MEGF11: variants seen among roughly 807,000 people sequenced by gnomAD.
MEGF11 encodes multiple EGF like domains 11.
In MEGF11, 126 loss-of-function variants were observed where a neutral mutation model predicts 146.6. The observed-to-expected ratio is 0.86, with a 90% confidence interval of 0.74 to 1.00. MEGF11 has a LOEUF of 1.00. Ranked by LOEUF, MEGF11 falls within the 50% of genes least tolerant of loss-of-function variation. The pLI is 0.00. For missense variants in MEGF11, 1,509 were observed against 1,521.2 expected (o/e 0.99, Z 0.13); for synonymous variants, 532 against 583.4 (o/e 0.91, Z 1.27).
intron 5 of MEGF11, among the ~76,000 whole-genome samples, chr15:66,089,496 A>C (rs1304729377): frequency 6.6e-6 from 1 of 152,204 alleles, no homozygotes; most frequent in Non-Finnish European, 1.5e-5. Context: ...CCCAAAACCA[A>C]AATGCCATTC....
At chr15:66,023,048 G>A (rs1017519825) in intron 5 of MEGF11, among the ~76,000 whole-genome samples, 1 of 150,464 alleles carries the variant, frequency 6.6e-6, no homozygotes, top group African/African-American at 2.5e-5. Context: ...ACAGGCTGAG[G>A]GAGAATTGCT....
At chr15:65,993,883 C>T (rs558275897) in intron 5 of MEGF11, among the ~76,000 whole-genome samples, 7 of 152,328 alleles carry the variant, frequency 4.6e-5, no homozygotes, top group East Asian at 1.9e-4. Context: ...ATCTCTCTCA[C>T]GGGCTGTGGG....
intron 1 of MEGF11, among the ~76,000 whole-genome samples, chr15:66,141,701 G>T (rs527693127): frequency 1.0e-3 from 154 of 152,270 alleles, no homozygotes; most frequent in African/African-American, 3.6e-3. Context: ...GAAGGAACTA[G>T]GTGGCCCCGA....
intron 1 of MEGF11, among the ~76,000 whole-genome samples, chr15:66,220,270 G>T (rs534760350): frequency 6.7e-6 from 1 of 150,254 alleles, no homozygotes; most frequent in South Asian, 2.1e-4. Flanking sequence ...GTGGTACTTT[G>T]TTACGGCAGC....
intron 1 of MEGF11, among the ~76,000 whole-genome samples, chr15:66,187,494 C>T (rs985357455): frequency 7.9e-5 from 12 of 152,302 alleles, no homozygotes; most frequent in Middle Eastern, 3.4e-3. Context: ...GCTGGAGTGT[C>T]GCAACCAGGA....
chr15:66,071,733 GA>G (rs932196560), intron 5 of MEGF11, among the ~76,000 whole-genome samples: 4 of 152,002 alleles, frequency 2.6e-5, no homozygotes, highest in East Asian at 3.9e-4. Flanking sequence ...CAACAATAAG[GA>G]AAAAAATCCA....
intron 10 of MEGF11, among the ~76,000 whole-genome samples, chr15:65,955,675 C>T (rs569985700): frequency 3.1e-5 from 4 of 129,926 alleles, no homozygotes; most frequent in South Asian, 2.7e-4. Context: ...ACCCAGGAGG[C>T]GGAGGTTGCA....
Position 65,929,732 on chromosome 15 carries a change from C to T in MEGF11, c.1560G>A (p.Glu520=). 6.4e-7 allele frequency: 1 copy of T among 1,551,720 alleles called. No homozygotes were observed. The highest frequency in any genetic ancestry group is 1.4e-5 in the African/African-American group (1 of 73,182). ...CTPGWLGDTC[E]LPCPDGTFGL... ...CCCTGGCACTCACCGGGCAAGGCAGCTCACAGGTGTCTCCCAGCCAGCCAG... is the reference window on the plus strand; with the variant it reads ...CCCTGGCACTCACCGGGCAAGGCAGTTCACAGGTGTCTCCCAGCCAGCCAG... Residue 520 remains glutamate, a synonymous_variant, in exon 12 of 26, where the codon GAG becomes GAA. Transcript: ENST00000395614.
chr15:65,995,548 T>C (rs1230140650), intron 5 of MEGF11, among the ~76,000 whole-genome samples: 2 of 152,188 alleles, frequency 1.3e-5, no homozygotes, highest in Admixed American at 6.5e-5. Flanking sequence ...CTAGACTGCA[T>C]GTCTAGAGAG....
chr15:65,983,879 A>G (rs981281466), intron 5 of MEGF11, among the ~76,000 whole-genome samples: 1 of 152,326 alleles, frequency 6.6e-6, no homozygotes, highest in Non-Finnish European at 1.5e-5. Context: ...GTACAAGGGT[A>G]CAAGGTTCCA....
At chr15:66,162,272 A>G (rs1396136879) in intron 1 of MEGF11, among the ~76,000 whole-genome samples, 1 of 152,216 alleles carries the variant, frequency 6.6e-6, no homozygotes, top group Non-Finnish European at 1.5e-5. Flanking sequence ...TGGTCGTGAA[A>G]CAACGTGAAT....
At chr15:66,043,202 A>C (rs1257939716) in intron 5 of MEGF11, among the ~76,000 whole-genome samples, 2 of 152,256 alleles carry the variant, frequency 1.3e-5, no homozygotes, top group African/African-American at 4.8e-5. Context: ...AGGTGCAAGC[A>C]CATAGTAGGT....
In MEGF11 at chr15:65,929,826, C is replaced by A. The variant is rs1325489065; in HGVS notation, c.1466G>T (p.Cys489Phe). 6.3e-7 allele frequency: 1 copy of A among 1,589,508 alleles called. No homozygotes were observed. The highest frequency in any genetic ancestry group is 8.6e-7 in the Non-Finnish European group (1 of 1,168,154). ...PCPSGTWGLN[C>F]NESCTCANGA... ...ATTGGCACAGGTGCAGCTCTCGTTG[C>A]AGTTCAGGCCCCACGTCCCACTGGG... The change falls in exon 12 of 26, where the codon TGC becomes TTC. Residue 489 changes from cysteine to phenylalanine, a missense_variant. Physicochemically the swap from Cys to Phe is radical, Grantham distance 205. Transcript: ENST00000395614.
chr15:66,097,283 G>C (rs987062077), intron 4 of MEGF11, among the ~76,000 whole-genome samples: 1 of 152,140 alleles, frequency 6.6e-6, no homozygotes, highest in East Asian at 1.9e-4. Flanking sequence ...GGGGTGCTGC[G>C]GGGAGAGTCT....
rs2078346454 is a variant in MEGF11, at chr15:65,895,660, C to G, written c.*2274G>C. On this transcript the variant is annotated 3_prime_UTR_variant, in exon 26 of 26. Transcript: ENST00000395614. ...CGATAGGGGAAGGCAGCTATTGTCA[C>G]CATAATCACACCCTCTGCCTTTCCC... is the stretch of plus-strand genomic sequence containing the variant. The G allele has an allele frequency of 6.5e-6, 1 of 152,744 alleles. No homozygotes were observed. The highest frequency in any genetic ancestry group is 6.5e-5 in the Admixed American group (1 of 15,308). The allele number at this position is 152,744 out of a possible 1,614,324, so 9.5% of individuals were successfully genotyped here. A position where few individuals can be genotyped will look rare whatever the true frequency, so the allele number is the denominator to read the frequency against.
intron 4 of MEGF11, among the ~76,000 whole-genome samples, chr15:66,105,133 C>T (rs554463904): frequency 1.6e-4 from 25 of 152,010 alleles, no homozygotes; most frequent in South Asian, 8.3e-4. Flanking sequence ...AATTAAAAAA[C>T]GGGGAGCAAA....
chr15:65,931,461 C>T (rs2079572291), intron 10 of MEGF11, among the ~76,000 whole-genome samples: 1 of 152,236 alleles, frequency 6.6e-6, no homozygotes, highest in Admixed American at 6.5e-5. Context: ...GGCACCTTGG[C>T]TTCAGCCTCG....
At chr15:66,109,821 T>C (rs538420243) in intron 4 of MEGF11, among the ~76,000 whole-genome samples, 9 of 152,352 alleles carry the variant, frequency 5.9e-5, no homozygotes, top group Non-Finnish European at 1.3e-4. Flanking sequence ...AAGAGGTCTC[T>C]CAGTATTTGT....
intron 10 of MEGF11, among the ~76,000 whole-genome samples, chr15:65,949,973 G>A (rs1418930288): frequency 6.6e-6 from 1 of 152,152 alleles, no homozygotes; most frequent in African/African-American, 2.4e-5. Flanking sequence ...GAACCCAGGA[G>A]CCCTTCGCAA....
Sources: gnomAD v4.1 joint callset for allele counts (sites outside exome capture counted in the v4.1 genomes callset) on GRCh38, gnomAD v4.1.1 for gene constraint, MANE v1.5 for transcripts, NCBI Gene and HGNC (gene_info 2026-07-23, HGNC 2026-07-21) for gene names.